PALLD: variants seen among roughly 807,000 people sequenced by gnomAD.
PALLD encodes palladin.
A neutral mutation model predicts 123.5 loss-of-function variants in PALLD; 61 were observed. The observed-to-expected ratio is 0.49, with a 90% CI of 0.40 to 0.61. The LOEUF is 0.61. PALLD is among the 20% of genes least tolerant of loss of function. The probability of loss-of-function intolerance (pLI) is 0.00; values close to 1 mark genes in which losing one functional copy is unlikely to be tolerated. For synonymous variants in PALLD, 465 were observed against 496.4 expected (o/e 0.94, Z 0.84); for missense variants, 1,273 against 1,377.0 (o/e 0.92, Z 1.20).
At chr4:168,761,148 A>G (rs1049985375) in intron 10 of PALLD, among the ~76,000 whole-genome samples, 5 of 152,176 alleles carry the variant, frequency 3.3e-5, no homozygotes, top group Non-Finnish European at 5.9e-5. Context: ...TATATATTAG[A>G]ACGCTGCTGT....
At chr4:168,678,744 CT>C (rs1361981915) in intron 3 of PALLD, among the ~76,000 whole-genome samples, 1 of 150,684 alleles carries the variant, frequency 6.6e-6, no homozygotes, top group Non-Finnish European at 1.5e-5. Flanking sequence ...ACTTATTTCT[CT>C]TCTGTGTCCT....
intron 10 of PALLD, among the ~76,000 whole-genome samples, chr4:168,754,332 C>G (rs905693217): frequency 1.3e-5 from 2 of 152,096 alleles, no homozygotes; most frequent in Admixed American, 1.3e-4. Context: ...ATGAGTATAC[C>G]TTTTAGTTAA....
At chr4:168,734,622 A>G (rs1226822045) in intron 10 of PALLD, among the ~76,000 whole-genome samples, 2 of 152,268 alleles carry the variant, frequency 1.3e-5, no homozygotes, top group African/African-American at 2.4e-5. Context: ...AGCCGTTACT[A>G]TGGATAAGCT....
At chr4:168,650,191 A>AAAAAAG (rs1561349028) in intron 2 of PALLD, among the ~76,000 whole-genome samples, 1 of 152,230 alleles carries the variant, frequency 6.6e-6, no homozygotes, top group Non-Finnish European at 1.5e-5. Context: ...AAGAAAAGAA[A>AAAAAAG]AAAAAGAAAA....
At chr4:168,522,204 T>C (rs1057126656) in intron 2 of PALLD, among the ~76,000 whole-genome samples, 3 of 152,258 alleles carry the variant, frequency 2.0e-5, no homozygotes, top group Non-Finnish European at 4.4e-5. Flanking sequence ...CCCAATACTT[T>C]AGCCACTCTT....
At chr4:168,578,442 C>A (rs113202780) in intron 2 of PALLD, among the ~76,000 whole-genome samples, 1 of 151,936 alleles carries the variant, frequency 6.6e-6, no homozygotes, top group African/African-American at 2.4e-5. Context: ...GCTTTTCCCC[C>A]CTTTTGCGCG....
intron 2 of PALLD, among the ~76,000 whole-genome samples, chr4:168,543,067 C>T (rs1024448313): frequency 1.4e-4 from 22 of 152,120 alleles, no homozygotes; most frequent in South Asian, 4.2e-4. Flanking sequence ...GATACTGTCT[C>T]GTCTACTTTA....
rs539039245 is a variant in PALLD, at chr4:168,641,464, G to A, written c.909-26726G>A. On this transcript the variant is annotated intron_variant, in intron 2 of 21. Transcript: ENST00000505667. Reference sequence around the variant, plus strand: ...CCAGCCACAGAAACCTCCTGATCCAGACAGTAGCTCAGAGGGCTCTCTGAT... The same window carrying A: ...CCAGCCACAGAAACCTCCTGATCCAAACAGTAGCTCAGAGGGCTCTCTGAT... Among the ~76,000 whole-genome samples the A allele has an allele frequency of 4.6e-5, 7 of 152,272 alleles. No individual in the cohort carries two copies. The East Asian group carries it at 1.4e-3, about 29-fold the overall frequency.
intron 2 of PALLD, chr4:168,631,824 G>A: frequency 1.0e-6 from 1 of 985,480 alleles, no homozygotes; most frequent in Non-Finnish European, 1.2e-6. Context: ...TTGCAAGCTG[G>A]GAATAAGCGA....
At chr4:168,751,375 T>C (rs1165707846) in intron 10 of PALLD, among the ~76,000 whole-genome samples, 1 of 152,152 alleles carries the variant, frequency 6.6e-6, no homozygotes, top group African/African-American at 2.4e-5. Flanking sequence ...GTTTGATGAA[T>C]TATAAAAGCA....
At chr4:168,609,827 A>T (rs1773561722) in intron 2 of PALLD, among the ~76,000 whole-genome samples, 1 of 152,168 alleles carries the variant, frequency 6.6e-6, no homozygotes, top group Admixed American at 6.5e-5. Flanking sequence ...CAAAAATGTC[A>T]TCCCAAGTAT....
intron 10 of PALLD, among the ~76,000 whole-genome samples, chr4:168,818,473 A>C (rs1742277391): frequency 6.6e-6 from 1 of 152,094 alleles, no homozygotes; most frequent in South Asian, 2.1e-4. Context: ...GGCGGTGCAC[A>C]CCTGTAGTCT....
At chr4:168,597,763 A>G (rs1266791704) in intron 2 of PALLD, among the ~76,000 whole-genome samples, 1 of 152,130 alleles carries the variant, frequency 6.6e-6, no homozygotes, top group Non-Finnish European at 1.5e-5. Context: ...AAAAAACTCT[A>G]AAACATTTAT....
chr4:168,758,696 C>T (rs1732248765), intron 10 of PALLD, among the ~76,000 whole-genome samples: 1 of 152,042 alleles, frequency 6.6e-6, no homozygotes, highest in African/African-American at 2.4e-5. Flanking sequence ...TATTATGTCT[C>T]CTAAGGAAAC....
rs921171881 is a variant in PALLD at position 168,611,250 on chromosome 4, T to G, written c.909-56940T>G. Among the ~76,000 whole-genome samples, 8 of 152,340 alleles carry G rather than the reference T, an allele frequency of 5.3e-5. No homozygotes were observed. In the East Asian group the frequency reaches 1.5e-3, roughly 29 times the overall value. On this transcript the variant is annotated intron_variant, in intron 2 of 21. Coordinates refer to ENST00000505667, the MANE Select transcript of PALLD (RefSeq NM_001166108.2). ...GACAGCTGCCACAACTGCTCCTTCC[T>G]CTTTCTTCCCTCTAATGAGCTCCAC...
At chr4:168,811,768 TCTCTCTCTCACACACACACACACACACA>T (rs1031399514) in intron 10 of PALLD, among the ~76,000 whole-genome samples, 1 of 109,846 alleles carries the variant, frequency 9.1e-6, no homozygotes, top group Non-Finnish European at 2.0e-5. Flanking sequence ...TCTCTCTCTC[TCTCTCTCTCACACACACACACACACACA>T]CACACACACA....
rs183625887 is a variant in PALLD at position 168,846,945 on chromosome 4, C to T, written c.1965-43977C>T. Reference sequence around the variant, plus strand: ...TGACAATATTGAGACCAAAGCAAAACAGAATTTTGATATTTGCTAAAAAAG... The same window carrying T: ...TGACAATATTGAGACCAAAGCAAAATAGAATTTTGATATTTGCTAAAAAAG... On this transcript the variant is annotated intron_variant, in intron 10 of 21. Coordinates refer to ENST00000505667, the MANE Select transcript of PALLD (RefSeq NM_001166108.2). Among the ~76,000 whole-genome samples, 352 of 152,194 alleles carry T rather than the reference C, an allele frequency of 2.3e-3. 1 individual carries two copies. Among genetic ancestry groups the T allele is most frequent in the Non-Finnish European group, 3.7e-3 (250 of 67,994 alleles).
intron 1 of PALLD, among the ~76,000 whole-genome samples, chr4:168,506,313 C>G (rs983064113): frequency 6.6e-6 from 1 of 152,176 alleles, no homozygotes; most frequent in African/African-American, 2.4e-5. Flanking sequence ...GCACAGAAGT[C>G]TCAGTTTGGG....
intron 10 of PALLD, among the ~76,000 whole-genome samples, chr4:168,817,349 A>G (rs1404973378): frequency 6.6e-6 from 1 of 152,234 alleles, no homozygotes; most frequent in Non-Finnish European, 1.5e-5. Context: ...TCCAAGAACC[A>G]ACAGAAATAT....
Sources: gnomAD v4.1 joint callset for allele counts (sites outside exome capture counted in the v4.1 genomes callset) on GRCh38, gnomAD v4.1.1 for gene constraint, MANE v1.5 for transcripts, NCBI Gene and HGNC (gene_info 2026-07-23, HGNC 2026-07-21) for gene names.